IQCM: variants seen among roughly 807,000 people sequenced by gnomAD.
IQCM encodes the protein IQ motif containing M.
In IQCM, 45 loss-of-function variants were observed where a neutral mutation model predicts 57.6. The ratio of observed to expected loss-of-function variants is 0.78; its 90% CI spans 0.62 to 1.00. IQCM has a LOEUF of 1.00. Ranked by LOEUF, IQCM falls within the 50% of genes least tolerant of loss-of-function variation. The pLI is 0.00. For missense variants in IQCM, 468 were observed against 511.6 expected (o/e 0.91, Z 0.82); for synonymous variants, 148 against 158.9 (o/e 0.93, Z 0.51).
intron 7 of IQCM, among the ~76,000 whole-genome samples, chr4:149,654,477 C>T (rs1006672968): frequency 5.9e-5 from 9 of 152,160 alleles, no homozygotes; most frequent in African/African-American, 2.2e-4. Context: ...TACCATGCAA[C>T]ATGCAAGCTC....
intron 7 of IQCM, among the ~76,000 whole-genome samples, chr4:149,678,722 C>T (rs1181254946): frequency 6.6e-6 from 1 of 151,052 alleles, no homozygotes; most frequent in Non-Finnish European, 1.5e-5. Context: ...ACAATAATAG[C>T]TAGATTGACC....
intron 7 of IQCM, among the ~76,000 whole-genome samples, chr4:149,672,707 G>A (rs2150182313): frequency 6.6e-6 from 1 of 152,274 alleles, no homozygotes. Flanking sequence ...CACTCTTCAG[G>A]ATATTTTCCA....
chr4:149,667,171 C>A (rs925251347), intron 7 of IQCM, among the ~76,000 whole-genome samples: 3 of 152,150 alleles, frequency 2.0e-5, no homozygotes, highest in African/African-American at 4.8e-5. Flanking sequence ...ACAACTCATA[C>A]AGGAGAGCTC....
intron 2 of IQCM, among the ~76,000 whole-genome samples, chr4:149,797,713 T>A (rs1773235201): frequency 6.7e-6 from 1 of 150,188 alleles, no homozygotes. Context: ...ATAATAGAGG[T>A]GTAATACGTC....
At position 149,632,488 on chromosome 4, in the gene IQCM, T is replaced by TA. The variant is rs1757350459; in HGVS notation, c.566-11245_566-11244insT. On this transcript the variant is annotated intron_variant, in intron 7 of 13. Coordinates refer to ENST00000636793, the MANE Select transcript of IQCM (RefSeq NM_001363507.2). The stretch of plus-strand genomic sequence containing the variant: ...TAAAAAAGATTATTAATTTTGTTAT[T>TA]TTCATCTGTTTTTGATGACCAGCTT... 1.1e-4 allele frequency among the ~76,000 whole-genome samples: 17 copies of TA among 152,328 alleles called. No homozygotes were observed. In the South Asian group the frequency reaches 3.5e-3, roughly 32 times the overall value.
At chr4:149,544,274 T>A (rs1383998486) in intron 12 of IQCM, among the ~76,000 whole-genome samples, 1 of 151,984 alleles carries the variant, frequency 6.6e-6, no homozygotes, top group Non-Finnish European at 1.5e-5. Flanking sequence ...TAACAAAAAA[T>A]TATCTGAAAA....
chr4:149,596,412 G>T (rs964502809), intron 8 of IQCM, among the ~76,000 whole-genome samples: 1 of 152,200 alleles, frequency 6.6e-6, no homozygotes, highest in South Asian at 2.1e-4. Context: ...GCTTGTCTTT[G>T]CCTTGGGGAT....
intron 2 of IQCM, among the ~76,000 whole-genome samples, chr4:149,749,635 C>T (rs1456039992): frequency 1.3e-5 from 2 of 151,934 alleles, no homozygotes; most frequent in African/African-American, 2.4e-5. Flanking sequence ...GTGTACACTT[C>T]GTCAATATTC....
intron 13 of IQCM, among the ~76,000 whole-genome samples, chr4:149,395,941 T>C (rs1465173166): frequency 3.9e-5 from 6 of 151,974 alleles, no homozygotes; most frequent in African/African-American, 1.4e-4. Context: ...TTGAATTTAA[T>C]TCTCCCTGCT....
At chr4:149,604,827 C>A (rs1754631720) in intron 8 of IQCM, among the ~76,000 whole-genome samples, 1 of 152,004 alleles carries the variant, frequency 6.6e-6, no homozygotes, top group African/African-American at 2.4e-5. Flanking sequence ...GTTAATGTTC[C>A]CTTTACTAGA....
intron 5 of IQCM, among the ~76,000 whole-genome samples, chr4:149,716,213 G>T (rs528084952): frequency 1.1e-4 from 17 of 152,342 alleles, no homozygotes; most frequent in Non-Finnish European, 1.9e-4. Flanking sequence ...GCTGCCTTCA[G>T]CAACCCCCTT....
intron 7 of IQCM, among the ~76,000 whole-genome samples, chr4:149,639,820 T>C (rs1467771036): frequency 6.6e-6 from 1 of 152,050 alleles, no homozygotes; most frequent in Non-Finnish European, 1.5e-5. Flanking sequence ...TCCCAGCTAC[T>C]TGGAAGGCTG....
intron 13 of IQCM, among the ~76,000 whole-genome samples, chr4:149,388,657 A>G (rs970546645): frequency 2.1e-5 from 3 of 142,968 alleles, no homozygotes; most frequent in Admixed American, 7.2e-5. Flanking sequence ...TATAAAATAT[A>G]TATATATATA....
chr4:149,353,522 T>C (rs143810834), intron 13 of IQCM, among the ~76,000 whole-genome samples: 4,349 of 152,198 alleles, frequency 0.029, 85 homozygotes, highest in Middle Eastern at 0.048. Flanking sequence ...AGCCAAGATA[T>C]GGAAACAACC....
chr4:149,502,379 G>T (rs1743340874), intron 12 of IQCM, among the ~76,000 whole-genome samples: 1 of 152,118 alleles, frequency 6.6e-6, no homozygotes, highest in South Asian at 2.1e-4. Context: ...AAATGGAAGA[G>T]GCTGGGTGCA....
At chr4:149,805,508 T>A (rs1212932901) in intron 2 of IQCM, among the ~76,000 whole-genome samples, 1 of 152,066 alleles carries the variant, frequency 6.6e-6, no homozygotes, top group Non-Finnish European at 1.5e-5. Flanking sequence ...TTTAAAATTA[T>A]CTTAAAATTT....
intron 2 of IQCM, chr4:149,780,373 C>A (rs1771489035): frequency 1.3e-5 from 2 of 151,960 alleles, no homozygotes; most frequent in Admixed American, 1.3e-4. Context: ...TTCAATAATT[C>A]TCTGCATGAA....
At chr4:149,453,181 T>C (rs1434642629) in intron 12 of IQCM, among the ~76,000 whole-genome samples, 1 of 151,704 alleles carries the variant, frequency 6.6e-6, no homozygotes, top group African/African-American at 2.4e-5. Context: ...CCTCACACCA[T>C]ACACAAAAAT....
intron 9 of IQCM, among the ~76,000 whole-genome samples, chr4:149,568,737 C>A (rs1393521124): frequency 6.6e-6 from 1 of 152,126 alleles, no homozygotes. Flanking sequence ...CATGAGTGTG[C>A]CATTGCACTC....
Sources: allele counts gnomAD v4.1 joint callset (sites outside exome capture counted in the v4.1 genomes callset), GRCh38; gene constraint gnomAD v4.1.1; transcripts MANE v1.5; gene names NCBI Gene and HGNC (gene_info 2026-07-23, HGNC 2026-07-21).